Variants in FAM241A observed in about 807,000 individuals in gnomAD.
FAM241A encodes the protein uncharacterized protein FAM241A.
A neutral mutation model predicts 12.2 loss-of-function variants in FAM241A; 7 were observed. The ratio of observed to expected loss-of-function variants is 0.58; its 90% confidence interval spans 0.33 to 1.08. The LOEUF is 1.08. FAM241A is among the 50% of genes least tolerant of loss of function. FAM241A has a pLI of 0.04. For synonymous variants in FAM241A, 74 were observed against 68.2 expected, an observed-to-expected ratio of 1.08 and a Z score of -0.42; for missense variants, 161 against 169.7, an observed-to-expected ratio of 0.95 and a Z score of 0.29.
rs1289807011 is a variant in FAM241A, at chr4:112,145,645, C to T, written c.65C>T (p.Ala22Val). The T allele has an allele frequency of 3.3e-6, 4 of 1,220,562 alleles. No individual in the cohort carries two copies. In the African/African-American group the frequency reaches 6.3e-5, roughly 19 times the overall value. 75.6% of individuals were successfully genotyped at this position (1,220,562 alleles called of 1,614,324 possible). A position where few individuals can be genotyped will look rare whatever the true frequency, so the allele number is the denominator to read the frequency against. The change falls in exon 1 of 2, where the codon GCG becomes GTG. Residue 22 changes from alanine (A) to valine (V), a missense_variant. Transcript: ENST00000309733. ...DGGERDEDGD[A>V]LAEREAAGTG... The stretch of plus-strand genomic sequence containing the variant: ...GGGGAACGCGACGAGGACGGGGACG[C>T]GCTGGCGGAGCGGGAGGCGGCAGGG...
chr4:112,146,255 T>C (rs1404800498), intron 1 of FAM241A, among the ~76,000 whole-genome samples: 3 of 152,062 alleles, frequency 2.0e-5, no homozygotes, highest in Non-Finnish European at 4.4e-5. Flanking sequence ...GGTGTTACAA[T>C]GAATGTCTTG....
At chr4:112,152,855 T>C (rs1022858548) in intron 1 of FAM241A, among the ~76,000 whole-genome samples, 1 of 152,182 alleles carries the variant, frequency 6.6e-6, no homozygotes, top group Non-Finnish European at 1.5e-5. Context: ...ATTTCCTCAT[T>C]TGTAATGGGT....
chr4:112,160,669 T>C (rs889566302), intron 1 of FAM241A, among the ~76,000 whole-genome samples: 4 of 152,300 alleles, frequency 2.6e-5, no homozygotes, highest in Admixed American at 2.6e-4. Context: ...TACAGAGCTT[T>C]AGTAACCAAA....
intron 1 of FAM241A, among the ~76,000 whole-genome samples, chr4:112,165,565 A>C (rs922106171): frequency 6.6e-6 from 1 of 152,238 alleles, no homozygotes; most frequent in African/African-American, 2.4e-5. Context: ...AGGGAGTACT[A>C]TTCAGCCGTT....
chr4:112,158,528 C>T (rs1723397181), intron 1 of FAM241A, among the ~76,000 whole-genome samples: 1 of 152,030 alleles, frequency 6.6e-6, no homozygotes, highest in Non-Finnish European at 1.5e-5. Flanking sequence ...GGCCACATTT[C>T]ATTTCTCATT....
chr4:112,146,025 C>T (rs898184284), intron 1 of FAM241A, among the ~76,000 whole-genome samples: 5 of 152,146 alleles, frequency 3.3e-5, no homozygotes, highest in Non-Finnish European at 7.4e-5. Context: ...AGGCTGGCGC[C>T]CAGGGCTCGG....
chr4:112,184,216 T>C (rs1723997352), intron 1 of FAM241A, among the ~76,000 whole-genome samples: 1 of 152,102 alleles, frequency 6.6e-6, no homozygotes, highest in East Asian at 1.9e-4. Flanking sequence ...GAAGTGAAAA[T>C]CCAAAAGTAA....
intron 1 of FAM241A, among the ~76,000 whole-genome samples, chr4:112,165,846 T>G (rs747695195): frequency 6.6e-6 from 1 of 152,188 alleles, no homozygotes; most frequent in Non-Finnish European, 1.5e-5. Flanking sequence ...TATTTGATAG[T>G]ACAACAGAGT....
intron 1 of FAM241A, among the ~76,000 whole-genome samples, chr4:112,163,797 CATCCCATTACTGGGTCTATACCCAGAG>C (rs1461852301): frequency 6.6e-6 from 1 of 152,200 alleles, no homozygotes; most frequent in Non-Finnish European, 1.5e-5. Flanking sequence ...TTGACCCAGC[CATCCCATTACTGGGTCTATACCCAGAG>C]GATTATAAAT....
intron 1 of FAM241A, among the ~76,000 whole-genome samples, chr4:112,171,732 G>A (rs370381702): frequency 4.8e-4 from 73 of 152,134 alleles, no homozygotes; most frequent in African/African-American, 1.5e-3. Flanking sequence ...GGTGGCGGGC[G>A]CCTGTAGTCC....
At chr4:112,180,535 C>CA (rs756016749) in intron 1 of FAM241A, among the ~76,000 whole-genome samples, 2 of 151,974 alleles carry the variant, frequency 1.3e-5, no homozygotes, top group Non-Finnish European at 2.9e-5. Context: ...CAGTGTTTCT[C>CA]AAAAGGTGGC....
At chr4:112,151,890 A>C (rs188027388) in intron 1 of FAM241A, among the ~76,000 whole-genome samples, 104 of 152,336 alleles carry the variant, frequency 6.8e-4, no homozygotes, top group Middle Eastern at 3.4e-3. Context: ...ACAAATACAA[A>C]AAGCACATTA....
intron 1 of FAM241A, among the ~76,000 whole-genome samples, chr4:112,178,770 A>G (rs1359539478): frequency 6.6e-6 from 1 of 152,220 alleles, no homozygotes; most frequent in Non-Finnish European, 1.5e-5. Context: ...CAGAATATGT[A>G]AGAAACTTAA....
At chr4:112,151,991 C>A (rs557951558) in intron 1 of FAM241A, among the ~76,000 whole-genome samples, 1 of 152,184 alleles carries the variant, frequency 6.6e-6, no homozygotes, top group African/African-American at 2.4e-5. Context: ...CTTCCTTTCA[C>A]GTATTTTAAA....
intron 1 of FAM241A, among the ~76,000 whole-genome samples, chr4:112,164,362 C>T (rs1036455837): frequency 6.6e-6 from 1 of 151,384 alleles, no homozygotes; most frequent in African/African-American, 2.4e-5. Flanking sequence ...GAAAACCAAA[C>T]ACTGCATGTT....
At chr4:112,179,945 G>GTA (rs1447259832) in intron 1 of FAM241A, among the ~76,000 whole-genome samples, 7 of 89,046 alleles carry the variant, frequency 7.9e-5, no homozygotes, top group East Asian at 7.9e-4. Context: ...ATATGTATAT[G>GTA]TGTGTGTGTG....
intron 1 of FAM241A, among the ~76,000 whole-genome samples, chr4:112,177,206 A>C (rs1723840289): frequency 6.6e-6 from 1 of 152,092 alleles, no homozygotes; most frequent in Non-Finnish European, 1.5e-5. Flanking sequence ...ACTTTTAGGT[A>C]TTCTGTAAAC....
chr4:112,145,457 C>CCGGCGGCTCCTGTCAG lies in FAM241A; in HGVS notation c.-117_-102dup, dbSNP rs1723111834. On this transcript the variant is annotated 5_prime_UTR_variant, in exon 1 of 2. Coordinates refer to ENST00000309733, the MANE Select transcript of FAM241A (RefSeq NM_152400.3). Reference sequence around the variant, plus strand: ...GGCGCCCAGGCCGGCGGGGCGCGCTCCGGCGGCTCCTGTCAGCGGCGGGTG... The same window carrying CCGGCGGCTCCTGTCAG: ...GGCGCCCAGGCCGGCGGGGCGCGCTCCGGCGGCTCCTGTCAGCGGCGGCTCCTGTCAGCGGCGGGTG... The CCGGCGGCTCCTGTCAG allele has an allele frequency of 1.0e-6, 1 of 1,002,942 alleles. No homozygotes were observed. The highest frequency in any genetic ancestry group is 1.8e-5 in the African/African-American group (1 of 56,726). 62.1% of individuals were successfully genotyped at this position (1,002,942 alleles called of 1,614,324 possible). A position where few individuals can be genotyped will look rare whatever the true frequency, so the allele number is the denominator to read the frequency against.
chr4:112,171,229 C>G, intron 1 of FAM241A: 1 of 723,288 alleles, frequency 1.4e-6, no homozygotes. Context: ...GTAAACATTC[C>G]TAAAACCCAC....
Sources: gnomAD v4.1 joint callset for allele counts (sites outside exome capture counted in the v4.1 genomes callset) on GRCh38, gnomAD v4.1.1 for gene constraint, MANE v1.5 for transcripts, NCBI Gene and HGNC (gene_info 2026-07-23, HGNC 2026-07-21) for gene names.